SH3GL2: variants seen among roughly 807,000 people sequenced by gnomAD.
The protein encoded by SH3GL2 is endophilin-A1.
In SH3GL2, 24 loss-of-function variants were observed where a neutral mutation model predicts 46.0. The ratio of observed to expected loss-of-function variants is 0.52; its 90% CI spans 0.38 to 0.73. The LOEUF (loss-of-function observed/expected upper bound fraction) is 0.73, where lower values mean the gene tolerates loss of function less well. Among genes scored for constraint, SH3GL2 ranks in the 30% least tolerant of loss-of-function variants. SH3GL2 has a pLI of 0.00. For synonymous variants in SH3GL2, 196 were observed against 147.1 expected, an observed-to-expected ratio of 1.33 and a Z score of -2.40; for missense variants, 413 against 424.2, an observed-to-expected ratio of 0.97 and a Z score of 0.23.
At chr9:17,598,505 C>A (rs1212706507) in intron 1 of SH3GL2, among the ~76,000 whole-genome samples, 1 of 152,204 alleles carries the variant, frequency 6.6e-6, no homozygotes, top group Non-Finnish European at 1.5e-5. Context: ...TGAGAAGAAA[C>A]CAGGCCTTTG....
At position 17,637,317 on chromosome 9, in the gene SH3GL2, G is replaced by C. The variant is rs550168435; in HGVS notation, c.45+58030G>C. 5.3e-5 allele frequency among the ~76,000 whole-genome samples: 8 copies of C among 152,244 alleles called. No individual in the cohort carries two copies. In the South Asian group the frequency reaches 1.7e-3, roughly 32 times the overall value. The stretch of plus-strand genomic sequence containing the variant: ...GGTTGGAATATGACCATCAGATTCA[G>C]GCCCAACGAGAGTATTCTTAAATTC... On this transcript the variant is annotated intron_variant, in intron 1 of 8. Coordinates refer to ENST00000380607, the MANE Select transcript of SH3GL2 (RefSeq NM_003026.5).
chr9:17,742,927 T>C (rs963589636), intron 1 of SH3GL2, among the ~76,000 whole-genome samples: 7 of 152,308 alleles, frequency 4.6e-5, no homozygotes, highest in African/African-American at 1.7e-4. Context: ...TGCTTTTAAA[T>C]AGGTGAACAG....
chr9:17,607,622 T>G (rs924275107), intron 1 of SH3GL2, among the ~76,000 whole-genome samples: 8 of 152,240 alleles, frequency 5.3e-5, no homozygotes, highest in African/African-American at 1.9e-4. Context: ...AATAACCTAT[T>G]AAGACCTTTT....
chr9:17,793,554 C>G (rs1022437989), intron 8 of SH3GL2, 57 bp downstream of exon 8: 2 of 1,558,854 alleles, frequency 1.3e-6, no homozygotes, highest in East Asian at 2.3e-5. Context: ...CATTGGCACT[C>G]TTCCAGAAAT....
chr9:17,720,785 G>T (rs902049886), intron 1 of SH3GL2, among the ~76,000 whole-genome samples: 1 of 152,124 alleles, frequency 6.6e-6, no homozygotes, highest in Non-Finnish European at 1.5e-5. Context: ...TAATGGTCTT[G>T]GTATTGAAGA....
chr9:17,676,852 T>C (rs979405930), intron 1 of SH3GL2, among the ~76,000 whole-genome samples: 1 of 152,156 alleles, frequency 6.6e-6, no homozygotes, highest in African/African-American at 2.4e-5. Context: ...TAGTTTCTTT[T>C]TGTCCTTTTT....
chr9:17,627,233 T>A (rs1004021), intron 1 of SH3GL2, among the ~76,000 whole-genome samples: 33,955 of 152,094 alleles, frequency 0.22, 4,001 homozygotes, highest in African/African-American at 0.3. Flanking sequence ...TCCTGTTCCC[T>A]GTTTTCATCC....
intron 1 of SH3GL2, among the ~76,000 whole-genome samples, chr9:17,605,253 A>C (rs1436262694): frequency 6.6e-6 from 1 of 152,118 alleles, no homozygotes; most frequent in African/African-American, 2.4e-5. Context: ...TACTGGCATT[A>C]CAGACAAGAG....
intron 1 of SH3GL2, among the ~76,000 whole-genome samples, chr9:17,683,243 G>C (rs145437042): frequency 6.6e-6 from 1 of 152,106 alleles, no homozygotes; most frequent in Admixed American, 6.6e-5. Flanking sequence ...CATGCAGGCA[G>C]TTCTCTACAG....
At chr9:17,737,571 G>A (rs1047985141) in intron 1 of SH3GL2, among the ~76,000 whole-genome samples, 4 of 151,976 alleles carry the variant, frequency 2.6e-5, no homozygotes, top group South Asian at 2.1e-4. Flanking sequence ...TGTTTCAGCC[G>A]CACCCTACTG....
At chr9:17,628,177 A>G (rs923372514) in intron 1 of SH3GL2, among the ~76,000 whole-genome samples, 7 of 152,118 alleles carry the variant, frequency 4.6e-5, no homozygotes, top group African/African-American at 1.4e-4. Flanking sequence ...AATAGACTGT[A>G]TCTTAAATGA....
chr9:17,793,764 C>T lies in SH3GL2; in HGVS notation c.859+267C>T, dbSNP rs567816786. On this transcript the variant is annotated intron_variant, in intron 8 of 8. Transcript: ENST00000380607. ...TCTGTCAATCATCAGCACACACGAACACATTTTGTTTTGACCCTCCTTTGT... is the reference window on the plus strand; with the variant it reads ...TCTGTCAATCATCAGCACACACGAATACATTTTGTTTTGACCCTCCTTTGT... Among the ~76,000 whole-genome samples, 4 of 152,302 alleles carry T rather than the reference C, an allele frequency of 2.6e-5. No homozygotes were observed. In the East Asian group the frequency reaches 7.7e-4, roughly 29 times the overall value.
chr9:17,716,944 A>G (rs578122108), intron 1 of SH3GL2, among the ~76,000 whole-genome samples: 3 of 152,252 alleles, frequency 2.0e-5, no homozygotes, highest in Non-Finnish European at 2.9e-5. Context: ...ATTCATACAT[A>G]CATATGGTTG....
chr9:17,688,801 T>C (rs1205871871), intron 1 of SH3GL2, among the ~76,000 whole-genome samples: 1 of 152,020 alleles, frequency 6.6e-6, no homozygotes, highest in African/African-American at 2.4e-5. Flanking sequence ...CAAATAAATA[T>C]CTATGAGTTC....
chr9:17,738,575 T>TAG (rs142654925), intron 1 of SH3GL2, among the ~76,000 whole-genome samples: 1,924 of 108,242 alleles, frequency 0.018, 82 homozygotes, highest in African/African-American at 0.051. Context: ...CATATATATA[T>TAG]AGAGAGAGAG....
chr9:17,706,087 T>A (rs1338396907), intron 1 of SH3GL2, among the ~76,000 whole-genome samples: 1 of 152,052 alleles, frequency 6.6e-6, no homozygotes. Flanking sequence ...AATGTCGATA[T>A]ATCTAATGTA....
At chr9:17,673,603 G>A (rs7047514) in intron 1 of SH3GL2, among the ~76,000 whole-genome samples, 32,805 of 151,964 alleles carry the variant, frequency 0.22, 5,236 homozygotes, top group African/African-American at 0.44. Context: ...GATAAAGTCT[G>A]AGCTCTTTGA....
chr9:17,638,133 G>A (rs559767160), intron 1 of SH3GL2, among the ~76,000 whole-genome samples: 5 of 150,698 alleles, frequency 3.3e-5, no homozygotes, highest in South Asian at 4.3e-4. Flanking sequence ...CTCCAGCCTG[G>A]GCGACAGAGC....
rs1823988919 is a variant in SH3GL2 at position 17,787,316 on chromosome 9, C to A, written c.332-64C>A. The A allele has an allele frequency of 1.2e-5, 17 of 1,362,658 alleles. No homozygotes were observed. The South Asian group carries it at 2.0e-4, about 16-fold the overall frequency. The allele number at this position is 1,362,658 out of a possible 1,614,324, so 84.4% of individuals were successfully genotyped here. On this transcript the variant is annotated intron_variant, in intron 4 of 8. Transcript: ENST00000380607. ...CCTTTGGGTTTTCATCTGTGAAGGG[C>A]CCTGTTATTGCGAGTGCATTTCATC...
Sources: allele counts gnomAD v4.1 joint callset (sites outside exome capture counted in the v4.1 genomes callset), GRCh38; gene constraint gnomAD v4.1.1; transcripts MANE v1.5; gene names NCBI Gene and HGNC (gene_info 2026-07-23, HGNC 2026-07-21).